ZIC3: variants seen among roughly 807,000 people sequenced by gnomAD.
ZIC3 encodes the protein zinc finger protein ZIC 3.
In ZIC3, 6 loss-of-function variants were observed where a neutral mutation model predicts 18.3. The ratio of observed to expected loss-of-function variants is 0.33; its 90% CI spans 0.18 to 0.65. ZIC3 has a LOEUF of 0.65. Ranked by LOEUF, ZIC3 falls within the 30% of genes least tolerant of loss-of-function variation. ZIC3 has a pLI of 0.75. For synonymous variants in ZIC3, 175 were observed against 177.0 expected (o/e 0.99, Z 0.09); for missense variants, 260 against 410.0 (o/e 0.63, Z 3.16).
At position 137,571,026 on chromosome X, in the gene ZIC3, C is replaced by T. The variant is rs1245513737; in HGVS notation, c.*956C>T. ...TCAGTTTCCATCTGGGAAGACTCTCCTTTCTTTATCTCTATCTCAGATGGT... is the reference window on the plus strand; with the variant it reads ...TCAGTTTCCATCTGGGAAGACTCTCTTTTCTTTATCTCTATCTCAGATGGT... On this transcript the variant is annotated 3_prime_UTR_variant, in exon 3 of 3. Transcript: ENST00000287538. The T allele has an allele frequency of 8.9e-6, 1 of 112,367 alleles. No homozygotes were observed. The highest frequency in any genetic ancestry group is 3.2e-5 in the African/African-American group (1 of 30,838). The allele number at this position is 112,367 out of a possible 1,213,427, so 9.3% of individuals were successfully genotyped here.
At chrX:137,573,288 T>C (rs1447943642), downstream of ZIC3, among the ~76,000 whole-genome samples, 1 of 112,008 alleles carries the variant, frequency 8.9e-6, no homozygotes, top group Non-Finnish European at 1.9e-5. Flanking sequence ...AAATGAGTGA[T>C]TTTGCATAAG....
At chrX:137,574,393 C>G (rs1020251231), downstream of ZIC3, among the ~76,000 whole-genome samples, 1 of 113,484 alleles carries the variant, frequency 8.8e-6, no homozygotes, top group Non-Finnish European at 1.9e-5. Flanking sequence ...GTGCCGGGAA[C>G]AGACTTTGAA....
intron 1 of ZIC3, among the ~76,000 whole-genome samples, chrX:137,567,983 T>C (rs945581823): frequency 1.3e-4 from 15 of 113,238 alleles, no homozygotes; most frequent in Non-Finnish European, 2.2e-4. Flanking sequence ...CAGGAACTAA[T>C]TGGGACCTTC....
chrX:137,569,994 A>G lies in ZIC3; in HGVS notation c.1328A>G (p.Lys443Arg). Reference sequence around the variant, plus strand: ...TCTGCAAACAGTAAAGATACCACTAAAACCCCTTCTGCAGTTCAAACTAGC... The same window carrying G: ...TCTGCAAACAGTAAAGATACCACTAGAACCCCTTCTGCAGTTCAAACTAGC... ...IASANSKDTT[K>R]TPSAVQTSTS... Residue 443 changes from lysine to arginine, a missense_variant, in exon 3 of 3, where the codon AAA becomes AGA. By Grantham distance (26) the Lys-to-Arg change is conservative. Around this residue, in one of 4 missense-constraint regions of ZIC3, gnomAD observed 52 missense variants for 111.5 expected, o/e 0.47. Coordinates refer to ENST00000287538, the MANE Select transcript of ZIC3 (RefSeq NM_003413.4). 1 of 1,211,856 alleles carries G rather than the reference A, an allele frequency of 8.3e-7. No individual in the cohort carries two copies. Among genetic ancestry groups the G allele is most frequent in the East Asian group, 3.0e-5 (1 of 33,863 alleles).
In ZIC3 at chrX:137,571,343, T is replaced by C. The variant is rs1931433941; in HGVS notation, c.*1273T>C. The C allele has an allele frequency of 8.9e-6, 1 of 112,297 alleles. No homozygotes were observed. Among genetic ancestry groups the C allele is most frequent in the African/African-American group, 3.2e-5 (1 of 30,817 alleles). 9.3% of individuals were successfully genotyped at this position (112,297 alleles called of 1,213,427 possible). Reference sequence around the variant, plus strand: ...TATATATGTTTGTATCTATGACTTATCTAATCTGCCTATCAATCTATCTAG... The same window carrying C: ...TATATATGTTTGTATCTATGACTTACCTAATCTGCCTATCAATCTATCTAG... On this transcript the variant is annotated 3_prime_UTR_variant, in exon 3 of 3. Transcript: ENST00000287538.
downstream of ZIC3, among the ~76,000 whole-genome samples, chrX:137,576,227 C>T: frequency 9.1e-6 from 1 of 109,948 alleles, no homozygotes; most frequent in Non-Finnish European, 1.9e-5. Context: ...GAGGTTTGAG[C>T]TTTTTTCTGG....
chrX:137,573,891 G>GC (rs1273762851), downstream of ZIC3: 1 of 112,694 alleles, frequency 8.9e-6, no homozygotes, highest in African/African-American at 3.2e-5. Context: ...GGCTCGGGCG[G>GC]GGGGGGAAGG....
At chrX:137,569,284 A>T (rs927123545) in intron 2 of ZIC3, among the ~76,000 whole-genome samples, 29 of 110,991 alleles carry the variant, frequency 2.6e-4, no homozygotes, top group Non-Finnish European at 7.6e-5. Context: ...AGCGGAGGGA[A>T]CAATCGGTTG....
In ZIC3 at chrX:137,567,594, G is replaced by A; in HGVS notation, c.903G>A (p.Glu301=). The A allele has an allele frequency of 1.6e-6, 2 of 1,212,415 alleles. No individual in the cohort carries two copies. Among genetic ancestry groups the A allele is most frequent in the Middle Eastern group, 2.3e-4 (1 of 4,356 alleles). Residue 301 remains glutamate, a synonymous_variant, in exon 1 of 3, where the codon GAG becomes GAA. Coordinates refer to ENST00000287538, the MANE Select transcript of ZIC3 (RefSeq NM_003413.4). The stretch of plus-strand genomic sequence containing the variant: ...ACAACCACGTCTGCTACTGGGAGGA[G>A]TGCCCCCGGGAGGGCAAGTCTTTCA... ...EQNNHVCYWE[E]CPREGKSFKA... is the part of the protein sequence containing the mutation.
downstream of ZIC3, among the ~76,000 whole-genome samples, chrX:137,572,363 G>C (rs1931451973): frequency 1.8e-5 from 2 of 111,889 alleles, no homozygotes; most frequent in African/African-American, 6.5e-5. Flanking sequence ...ATCCAAGCCT[G>C]AATGCCATGA....
At chrX:137,568,370 C>A (rs1236219065) in intron 1 of ZIC3, among the ~76,000 whole-genome samples, 1 of 110,674 alleles carries the variant, frequency 9.0e-6, no homozygotes, top group Non-Finnish European at 1.9e-5. Context: ...ATCTATCTAT[C>A]TATCTATCTA....
At position 137,567,165 on chromosome X, in the gene ZIC3, C is replaced by A; in HGVS notation, c.474C>A (p.Ser158Arg). Residue 158 changes from serine (S) to arginine (R), a missense_variant, in exon 1 of 3, where the codon AGC (serine) becomes AGA (arginine). This residue lies in a region of ZIC3 where 183 missense variants were observed against 223.8 expected (regional missense o/e 0.82). Transcript: ENST00000287538. The stretch of plus-strand genomic sequence containing the variant: ...CAGCTGGCATCCCCGAGCCCCCTAG[C>A]TACTTGCTGTTTCCCGGGCTGCATG... ...HAPAGIPEPP[S>R]YLLFPGLHEQ... 8.3e-7 allele frequency: 1 copy of A among 1,207,953 alleles called. No individual in the cohort carries two copies. Among genetic ancestry groups the A allele is most frequent in the Non-Finnish European group, 1.1e-6 (1 of 893,014 alleles).
rs10126585 is a variant in ZIC3 at position 137,567,603 on chromosome X, G to A, written c.912G>A (p.Arg304=). 5.8e-4 allele frequency: 702 copies of A among 1,211,357 alleles called. 4 individuals are homozygous for A. In the African/African-American group the frequency reaches 0.011, roughly 19 times the overall value. The part of the protein sequence containing the change: ...NHVCYWEECP[R]EGKSFKAKYK... Reference sequence around the variant, plus strand: ...TCTGCTACTGGGAGGAGTGCCCCCGGGAGGGCAAGTCTTTCAAGGCGAAGT... The same window carrying A: ...TCTGCTACTGGGAGGAGTGCCCCCGAGAGGGCAAGTCTTTCAAGGCGAAGT... The change falls in exon 1 of 3, where the codon CGG becomes CGA. Residue 304 remains arginine (R), a synonymous_variant. Coordinates refer to ENST00000287538, the MANE Select transcript of ZIC3 (RefSeq NM_003413.4).
intron 1 of ZIC3, chrX:137,568,670 G>GT (rs1451489250): frequency 3.5e-6 from 1 of 289,366 alleles, no homozygotes; most frequent in African/African-American, 2.8e-5. Flanking sequence ...ACATGGTCAG[G>GT]TTTTGGGCCG....
downstream of ZIC3, among the ~76,000 whole-genome samples, chrX:137,574,453 G>C (rs1280993619): frequency 8.8e-6 from 1 of 113,399 alleles, no homozygotes; most frequent in Non-Finnish European, 1.9e-5. Context: ...CCGGAGCGGG[G>C]ACCCGCTGGG....
chrX:137,574,687 C>T (rs952693789), downstream of ZIC3, among the ~76,000 whole-genome samples: 4 of 108,152 alleles, frequency 3.7e-5, no homozygotes, highest in African/African-American at 1.3e-4. Flanking sequence ...GCCGCGGCCT[C>T]GGTCGAGCTG....
downstream of ZIC3, chrX:137,574,207 G>A (rs1931480869): frequency 1.8e-5 from 2 of 113,227 alleles, no homozygotes; most frequent in Non-Finnish European, 3.8e-5. Context: ...GGGGCAGGGA[G>A]GCATTCGTCC....
At chrX:137,573,700 C>T (rs1216936329), downstream of ZIC3, 1 of 113,305 alleles carries the variant, frequency 8.8e-6, no homozygotes, top group Non-Finnish European at 1.9e-5. Flanking sequence ...GACTGCTTTC[C>T]TCTCACAGGT....
chrX:137,573,154 A>C (rs991540560), downstream of ZIC3, among the ~76,000 whole-genome samples: 47 of 64,731 alleles, frequency 7.3e-4, no homozygotes, highest in African/African-American at 7.1e-4. Flanking sequence ...AAAAAAAAAA[A>C]AAAAAACCAA....
Sources: allele counts gnomAD v4.1 joint callset (sites outside exome capture counted in the v4.1 genomes callset), GRCh38; gene constraint gnomAD v4.1.1; regional missense constraint gnomAD v4.1.1; transcripts MANE v1.5; gene names NCBI Gene and HGNC (gene_info 2026-07-23, HGNC 2026-07-21).